The following PCDHGB1 variants were observed in gnomAD, a reference collection of about 807,000 sequenced individuals.
The protein encoded by PCDHGB1 is protocadherin gamma subfamily B, 1.
In PCDHGB1, 34 loss-of-function variants were observed where a neutral mutation model predicts 56.6. That is an observed-to-expected ratio of 0.60 (90% CI 0.46 to 0.80). The LOEUF (loss-of-function observed/expected upper bound fraction) is 0.80, where lower values mean the gene tolerates loss of function less well. Among genes scored for constraint, PCDHGB1 ranks in the 30% least tolerant of loss-of-function variants. The pLI is 0.00. For synonymous variants in PCDHGB1, 561 were observed against 505.9 expected (o/e 1.11, Z -1.46); for missense variants, 1,278 against 1,204.6 (o/e 1.06, Z -0.90).
At chr5:141,364,493 G>C in intron 1 of PCDHGB1, 2 of 1,614,018 alleles carry the variant, frequency 1.2e-6, no homozygotes, top group Non-Finnish European at 1.7e-6. Context: ...CCTTGGGCTG[G>C]AGCCCCAGGA....
In PCDHGB1 at chr5:141,486,709, C is replaced by G. The variant is rs1485764871; in HGVS notation, c.2410-8098C>G. ...CTTCCTCTTTCATCTCTCTGAACCC[C>G]CAGACAGGAGCTGTTCATGCTACTC... On this transcript the variant is annotated intron_variant, in intron 1 of 3. Coordinates refer to ENST00000523390, the MANE Select transcript of PCDHGB1 (RefSeq NM_018922.3). The surrounding 1 kb of genome is among the most constrained non-coding windows in gnomAD (Gnocchi z 5.0). 1 of 1,614,182 alleles carries G rather than the reference C, an allele frequency of 6.2e-7. No individual in the cohort carries two copies. Among genetic ancestry groups the G allele is most frequent in the Middle Eastern group, 1.6e-4 (1 of 6,062 alleles).
rs1299979776 is a variant in PCDHGB1 at position 141,512,453 on chromosome 5, G to GC, written c.*1282dup. On this transcript the variant is annotated 3_prime_UTR_variant, in exon 4 of 4. Transcript: ENST00000523390. ...TCCTGAAGCCTCAGTCCTTCACCTT[G>GC]CCAGGTGCCGTTTCTCTTCCGTGAA... The GC allele has an allele frequency of 6.5e-6, 1 of 152,880 alleles. No homozygotes were observed. The allele number at this position is 152,880 out of a possible 1,614,324, so 9.5% of individuals were successfully genotyped here.
chr5:141,393,676 A>G (rs767754951), intron 1 of PCDHGB1: 2 of 1,613,954 alleles, frequency 1.2e-6, no homozygotes, highest in South Asian at 1.1e-5. Flanking sequence ...AATGAAAAAC[A>G]AACTCCGTTA....
chr5:141,393,683 G>T lies in PCDHGB1; in HGVS notation c.2409+41014G>T, dbSNP rs370409157. ...GGAAAATTAATGAAAAACAAACTCC[G>T]TTATTCCAGCTTAATGAAAATACTG... On this transcript the variant is annotated intron_variant, in intron 1 of 3. Transcript: ENST00000523390. The T allele has an allele frequency of 2.1e-5, 34 of 1,613,732 alleles. 1 individual carries two copies. The South Asian group carries it at 3.7e-4, about 18-fold the overall frequency.
At chr5:141,370,501 C>T in intron 1 of PCDHGB1, 1 of 1,613,952 alleles carries the variant, frequency 6.2e-7, no homozygotes, top group Non-Finnish European at 8.5e-7. Flanking sequence ...ATCCGCTACG[C>T]TATTCCCGAG....
intron 1 of PCDHGB1, chr5:141,415,086 G>A (rs769093571): frequency 3.1e-6 from 5 of 1,613,554 alleles, no homozygotes; most frequent in South Asian, 1.1e-5. Flanking sequence ...GAGCCCTGCT[G>A]GACAGAGACG....
At chr5:141,394,108 T>C in intron 1 of PCDHGB1, 1 of 1,613,972 alleles carries the variant, frequency 6.2e-7, no homozygotes, top group Non-Finnish European at 8.5e-7. Context: ...ACACCACCTC[T>C]GTCCACTGAA....
chr5:141,430,832 G>A (rs1398773861), intron 1 of PCDHGB1: 1 of 1,555,686 alleles, frequency 6.4e-7, no homozygotes, highest in South Asian at 1.3e-5. Flanking sequence ...GACTCTGTGG[G>A]AGACCGGATG....
At position 141,485,336 on chromosome 5, in the gene PCDHGB1, G is replaced by A. The variant is rs755039880; in HGVS notation, c.2410-9471G>A. Reference sequence around the variant, plus strand: ...GAATGTCGCTCAAGATTTCCTGCTGGATACGGACAGTCTGTCAGCTCGCAG... The same window carrying A: ...GAATGTCGCTCAAGATTTCCTGCTGAATACGGACAGTCTGTCAGCTCGCAG... On this transcript the variant is annotated intron_variant, in intron 1 of 3. Transcript: ENST00000523390. The surrounding 1 kb of genome is among the most constrained non-coding windows in gnomAD (Gnocchi z 5.7). 3 of 1,614,176 alleles carry A rather than the reference G, an allele frequency of 1.9e-6. No homozygotes were observed. In the South Asian group the frequency reaches 3.3e-5, roughly 18 times the overall value.
At chr5:141,433,995 C>G (rs995723859) in intron 1 of PCDHGB1, among the ~76,000 whole-genome samples, 1 of 152,028 alleles carries the variant, frequency 6.6e-6, no homozygotes, top group Non-Finnish European at 1.5e-5. Context: ...GTTTTATATT[C>G]TCTATATATG....
chr5:141,437,252 CTT>C (rs1030396727), intron 1 of PCDHGB1, among the ~76,000 whole-genome samples: 3 of 152,268 alleles, frequency 2.0e-5, no homozygotes, highest in Admixed American at 6.5e-5. Context: ...CTTTCCTTGT[CTT>C]TTTATGTGTA....
intron 1 of PCDHGB1, among the ~76,000 whole-genome samples, chr5:141,381,247 GA>G (rs1777085183): frequency 6.6e-6 from 1 of 152,240 alleles, no homozygotes; most frequent in Non-Finnish European, 1.5e-5. Flanking sequence ...CCAGGACCTA[GA>G]AGAATTTACA....
chr5:141,377,605 C>CTCA (rs200405264), intron 1 of PCDHGB1: 6 of 140,756 alleles, frequency 4.3e-5, no homozygotes, highest in South Asian at 4.7e-4. Context: ...CTCTCTCTCT[C>CTCA]AAAAAAAAAA....
At chr5:141,408,784 A>G (rs777838376) in intron 1 of PCDHGB1, 2 of 1,612,506 alleles carry the variant, frequency 1.2e-6, no homozygotes, top group Admixed American at 1.7e-5. Context: ...ACCCAGAGTT[A>G]TCTCTGGAGA....
intron 1 of PCDHGB1, chr5:141,389,664 G>A (rs1182835621): frequency 5.0e-6 from 8 of 1,612,210 alleles, no homozygotes; most frequent in Admixed American, 1.7e-5. Context: ...GGCGGTGGAC[G>A]CAGACTCAGG....
chr5:141,365,276 C>G, intron 1 of PCDHGB1: 1 of 1,613,968 alleles, frequency 6.2e-7, no homozygotes, highest in Non-Finnish European at 8.5e-7. Flanking sequence ...CAGATTCTAC[C>G]TCATGGAAGT....
intron 1 of PCDHGB1, chr5:141,395,733 T>C (rs567626582): frequency 5.9e-5 from 9 of 153,748 alleles, no homozygotes; most frequent in African/African-American, 2.2e-4. Context: ...TTTCTTCACT[T>C]TAAACCTCTT....
rs754433753 is a variant in PCDHGB1 at position 141,399,914 on chromosome 5, A to G, written c.2409+47245A>G. On this transcript the variant is annotated intron_variant, in intron 1 of 3. Transcript: ENST00000523390. ...GTGGCCGTGGACGCAGACTCAGGACACAACGCCTGGCTGTCCTACCACGTG... is the reference window on the plus strand; with the variant it reads ...GTGGCCGTGGACGCAGACTCAGGACGCAACGCCTGGCTGTCCTACCACGTG... The G allele has an allele frequency of 2.7e-5, 44 of 1,612,236 alleles. No homozygotes were observed. In the Admixed American group the frequency reaches 7.3e-4, roughly 27 times the overall value.
chr5:141,421,905 A>C, intron 1 of PCDHGB1: 1 of 1,613,752 alleles, frequency 6.2e-7, no homozygotes, highest in Non-Finnish European at 8.5e-7. Context: ...GAAAGGGCGC[A>C]GTTCCCATTC....
Sources: gnomAD v4.1 joint callset for allele counts (sites outside exome capture counted in the v4.1 genomes callset) on GRCh38, gnomAD v4.1.1 for gene constraint, Gnocchi (gnomAD v3.1) non-coding constraint, MANE v1.5 for transcripts, NCBI Gene and HGNC (gene_info 2026-07-23, HGNC 2026-07-21) for gene names.